The following ANO7 variants were observed in gnomAD, a reference collection of about 807,000 sequenced individuals.
The protein encoded by ANO7 is anoctamin-7.
In ANO7, 114 loss-of-function variants were observed where a neutral mutation model predicts 115.8. The observed-to-expected ratio is 0.98, with a 90% CI of 0.85 to 1.15. The LOEUF is 1.15. Among genes scored for constraint, ANO7 ranks in the 50% most tolerant of loss-of-function variants. The probability of loss-of-function intolerance (pLI) is 0.00; values close to 1 mark genes in which losing one functional copy is unlikely to be tolerated. For missense variants in ANO7, 1,302 were observed against 1,201.2 expected (o/e 1.08, Z -1.24); for synonymous variants, 550 against 498.2 (o/e 1.10, Z -1.38).
intron 7 of ANO7, 64 bp downstream of exon 7, chr2:241,201,419 C>T: frequency 6.4e-7 from 1 of 1,553,588 alleles, no homozygotes; most frequent in Non-Finnish European, 8.8e-7. Context: ...CCTGCCAGCC[C>T]CCAGCCTCCA....
At position 241,218,390 on chromosome 2, in the gene ANO7, C is replaced by G. The variant is rs1361343125; in HGVS notation, c.2321+9C>G. On this transcript the variant is annotated intron_variant, in intron 21 of 24. Transcript: ENST00000674324. ...CACAACCGCACGTGCAGGTGAGCCC[C>G]GCGCCAGGTGGAGGGGGCCGCGGGC... 16 of 1,359,620 alleles carry G rather than the reference C, an allele frequency of 1.2e-5. No homozygotes were observed. The South Asian group carries it at 2.0e-4, about 17-fold the overall frequency. The allele number at this position is 1,359,620 out of a possible 1,614,324, so 84.2% of individuals were successfully genotyped here.
At chr2:241,199,963 G>T in intron 5 of ANO7, 126 bp from the exon 6 acceptor site, 2 of 1,144,324 alleles carry the variant, frequency 1.7e-6, no homozygotes. Flanking sequence ...GGTCTACCAC[G>T]CTCCTTCCCT....
Position 241,207,621 on chromosome 2 carries a change from G to C in ANO7, c.1028G>C (p.Cys343Ser), listed in dbSNP as rs145388383. ...GACAGCTTCGAGATGTGCCCACTTT[G>C]CCTCGACTGCCCTTTCTGGCTGCTC... The part of the protein sequence containing the change: ...SKDSFEMCPL[C>S]LDCPFWLLSS... The change falls in exon 11 of 25, where the codon TGC becomes TCC. Residue 343 changes from cysteine (C) to serine (S), a missense_variant. Physicochemically the swap from Cys to Ser is moderately radical, Grantham distance 112 (BLOSUM62 -1). Transcript: ENST00000674324. The C allele has an allele frequency of 6.2e-7, 1 of 1,613,822 alleles. No individual in the cohort carries two copies. The highest frequency in any genetic ancestry group is 8.5e-7 in the Non-Finnish European group (1 of 1,179,976).
chr2:241,226,828 T>G (rs562573652), downstream of ANO7, among the ~76,000 whole-genome samples: 310 of 152,258 alleles, frequency 2.0e-3, 1 homozygote, highest in African/African-American at 7.2e-3. Context: ...TCCCGTTATC[T>G]CCTGCCACTC....
At position 241,225,684 on chromosome 2, in the gene ANO7, A is replaced by G. The variant is rs2069146766; in HGVS notation, c.*1531A>G. On this transcript the variant is annotated 3_prime_UTR_variant, in exon 25 of 25. Transcript: ENST00000674324. ...TGAGGGCGGCGTGCTTGCTTGTAGC[A>G]TTTCTTGAGGATTTGCTACTTGTTC... is the stretch of plus-strand genomic sequence containing the variant. Among the ~76,000 whole-genome samples, 1 of 151,934 alleles carries G rather than the reference A, an allele frequency of 6.6e-6. No homozygotes were observed. The highest frequency in any genetic ancestry group is 6.6e-5 in the Admixed American group (1 of 15,262).
At chr2:241,235,758 T>C in the ANO7 span, 4 of 579,066 alleles carry the variant, frequency 6.9e-6, no homozygotes, top group Admixed American at 3.1e-5. Context: ...TAGAAAAGAA[T>C]AGGAAAAGAT....
At chr2:241,209,731 G>T in intron 13 of ANO7, 96 bp downstream of exon 13, 1 of 1,454,196 alleles carries the variant, frequency 6.9e-7, no homozygotes, top group Non-Finnish European at 9.1e-7. Context: ...GTGGCCAGAT[G>T]CCTCCTCTGG....
the ANO7 span, chr2:241,236,860 G>A: frequency 1.5e-6 from 2 of 1,365,932 alleles, no homozygotes; most frequent in Non-Finnish European, 2.0e-6. Context: ...GGCACCTGCT[G>A]GGTGCTGGGT....
At chr2:241,235,224 T>C in the ANO7 span, 2 of 1,614,208 alleles carry the variant, frequency 1.2e-6, no homozygotes, top group South Asian at 2.2e-5. Context: ...GATGTCAGAC[T>C]GCAGCTCAGG....
Position 241,207,669 on chromosome 2 carries a change from A to G in ANO7, c.1076A>G (p.Gln359Arg). 1 of 1,613,464 alleles carries G rather than the reference A, an allele frequency of 6.2e-7. No homozygotes were observed. Among genetic ancestry groups the G allele is most frequent in the Non-Finnish European group, 8.5e-7 (1 of 1,179,902 alleles). The change falls in exon 11 of 25, where the codon CAG (glutamine) becomes CGG (arginine). Residue 359 changes from glutamine to arginine, a missense_variant and splice_region_variant. Gln to Arg is a conservative substitution (Grantham distance 43). Coordinates refer to ENST00000674324, the MANE Select transcript of ANO7 (RefSeq NM_001370694.2). ...WLLSSACALAQAGRLFDHGGT... is the reference protein window; with the variant it reads ...WLLSSACALARAGRLFDHGGT... Reference sequence around the variant, plus strand: ...CTCTCCAGCGCCTGTGCCCTGGCCCAGGTACGAGAAGAGGTGGGTGGGGTA... The same window carrying G: ...CTCTCCAGCGCCTGTGCCCTGGCCCGGGTACGAGAAGAGGTGGGTGGGGTA...
chr2:241,215,168 G>A (rs2068802725), intron 18 of ANO7, among the ~76,000 whole-genome samples: 1 of 152,266 alleles, frequency 6.6e-6, no homozygotes, highest in Non-Finnish European at 1.5e-5. Context: ...TGGGGAGGGG[G>A]TCTGGGCTCC....
Position 241,199,445 on chromosome 2 carries a change from A to T in ANO7, c.417+22A>T, listed in dbSNP as rs367897381. 2.2e-5 allele frequency: 36 copies of T among 1,611,258 alleles called. No individual in the cohort carries two copies. In the African/African-American group the frequency reaches 3.5e-4, roughly 16 times the overall value. On this transcript the variant is annotated intron_variant, in intron 5 of 24. Transcript: ENST00000674324. ...GCAGGTACGTGGGAGGCATGGGGAC[A>T]GGGTGGGCCTGGAGGTCCCGGTCCC...
chr2:241,200,104 G>T lies in ANO7; in HGVS notation c.433G>T (p.Ala145Ser). 6.2e-7 allele frequency: 1 copy of T among 1,612,644 alleles called. No individual in the cohort carries two copies. The highest frequency in any genetic ancestry group is 1.1e-5 in the South Asian group (1 of 91,066). The change falls in exon 6 of 25, where the codon GCC (alanine) becomes TCC (serine). Residue 145 changes from alanine (A) to serine (S), a missense_variant. Transcript: ENST00000674324. The part of the protein sequence containing the change: ...KLPLQELPNQ[A>S]SNWSAGLLAW... The stretch of plus-strand genomic sequence containing the variant: ...TTCCTTCCAGGAGTTACCCAACCAG[G>T]CCTCCAACTGGTCGGCCGGCCTGCT...
intron 4 of ANO7, 180 bp from the exon 5 acceptor site, chr2:241,199,136 T>G: frequency 1.7e-6 from 1 of 600,476 alleles, no homozygotes. Context: ...CGAGGCCCGG[T>G]TGGCTTTCAG....
Position 241,190,063 on chromosome 2 carries a change from G to A in ANO7, c.-1G>A. 2.5e-6 allele frequency: 4 copies of A among 1,571,434 alleles called. No homozygotes were observed. In the South Asian group the frequency reaches 3.5e-5, roughly 14 times the overall value. ...CCGGCCTTGCTGGGTGCAGGAGCAG[G>A]ATGCTGCGGCGACGGGCCCAGGAAG... On this transcript the variant is annotated 5_prime_UTR_variant, in exon 2 of 25. Coordinates refer to ENST00000674324, the MANE Select transcript of ANO7 (RefSeq NM_001370694.2).
At chr2:241,189,505 G>A (rs1428347738) in intron 1 of ANO7, among the ~76,000 whole-genome samples, 4 of 152,154 alleles carry the variant, frequency 2.6e-5, no homozygotes, top group Non-Finnish European at 5.9e-5. Context: ...GACCCCCGGG[G>A]CGAAGGTGCG....
rs765882040 is a variant in ANO7 at position 241,190,182 on chromosome 2, C to A, written c.108+11C>A. 1.9e-6 allele frequency: 3 copies of A among 1,552,114 alleles called. No homozygotes were observed. The highest frequency in any genetic ancestry group is 2.4e-5 in the South Asian group (2 of 84,056). On this transcript the variant is annotated intron_variant, in intron 2 of 24. Coordinates refer to ENST00000674324, the MANE Select transcript of ANO7 (RefSeq NM_001370694.2). The stretch of plus-strand genomic sequence containing the variant: ...GCCCACGCCTCGGAGGTAACAGCAC[C>A]CAGGAGACTGTGGTGCGACTTGAGA...
intron 10 of ANO7, among the ~76,000 whole-genome samples, chr2:241,207,021 G>A (rs113840730): frequency 3.5e-5 from 5 of 143,086 alleles, no homozygotes; most frequent in African/African-American, 1.3e-4. Context: ...AGTGCTCCCA[G>A]GCTGACACAG....
rs751379602 is a variant in ANO7 at position 241,209,397 on chromosome 2, G to A, written c.1190G>A (p.Arg397His). Residue 397 changes from arginine (R) to histidine (H), a missense_variant, in exon 12 of 25, where the codon CGC (arginine) becomes CAC (histidine). Coordinates refer to ENST00000674324, the MANE Select transcript of ANO7 (RefSeq NM_001370694.2). ...WKRKSATLAY[R>H]WDCSDYEDTE... The stretch of plus-strand genomic sequence containing the variant: ...CGGAAGAGCGCCACGCTGGCCTACC[G>A]CTGGGACTGCTCTGACTACGAGGAC... The A allele has an allele frequency of 2.1e-4, 335 of 1,584,702 alleles. No individual in the cohort carries two copies. The highest frequency in any genetic ancestry group is 2.6e-4 in the Non-Finnish European group (300 of 1,166,294).
Sources: allele counts gnomAD v4.1 joint callset (sites outside exome capture counted in the v4.1 genomes callset), GRCh38; gene constraint gnomAD v4.1.1; transcripts MANE v1.5; gene names NCBI Gene and HGNC (gene_info 2026-07-23, HGNC 2026-07-21).